MAGI2: variants seen among roughly 807,000 people sequenced by gnomAD.
MAGI2 encodes membrane-associated guanylate kinase, WW and PDZ domain-containing protein 2.
Under a neutral mutation model 133.3 loss-of-function variants are expected in MAGI2, and 35 were observed. The ratio of observed to expected loss-of-function variants is 0.26; its 90% CI spans 0.20 to 0.35. The LOEUF is 0.35. MAGI2 is among the 10% of genes least tolerant of loss of function. The probability of loss-of-function intolerance (pLI) is 1.00; values close to 1 mark genes in which losing one functional copy is unlikely to be tolerated. For synonymous variants in MAGI2, 729 were observed against 710.6 expected, an observed-to-expected ratio of 1.03 and a Z score of -0.41; for missense variants, 1,636 against 1,863.4, an observed-to-expected ratio of 0.88 and a Z score of 2.25.
At chr7:79,260,487 C>T (rs1834002878) in intron 1 of MAGI2, among the ~76,000 whole-genome samples, 1 of 152,108 alleles carries the variant, frequency 6.6e-6, no homozygotes, top group Admixed American at 6.5e-5. Context: ...TAGGAATCTG[C>T]CTATTATCAA....
intron 1 of MAGI2, among the ~76,000 whole-genome samples, chr7:79,442,101 T>C (rs891847433): frequency 2.0e-5 from 3 of 152,188 alleles, no homozygotes; most frequent in African/African-American, 7.2e-5. Flanking sequence ...CATTATGTGG[T>C]CCACCAGCCA....
chr7:78,833,883 G>A (rs1401247867), intron 2 of MAGI2, among the ~76,000 whole-genome samples: 3 of 152,076 alleles, frequency 2.0e-5, no homozygotes, highest in African/African-American at 7.2e-5. Context: ...GAACAATTTT[G>A]TTATCTTTGA....
At chr7:78,372,521 G>T (rs1271146703) in intron 6 of MAGI2, among the ~76,000 whole-genome samples, 2 of 152,052 alleles carry the variant, frequency 1.3e-5, no homozygotes, top group Non-Finnish European at 2.9e-5. Context: ...GGATGATTAA[G>T]GTAACACTGA....
At chr7:78,904,525 CTTT>C (rs10665131) in intron 2 of MAGI2, among the ~76,000 whole-genome samples, 3 of 134,812 alleles carry the variant, frequency 2.2e-5, no homozygotes, top group Non-Finnish European at 1.6e-5. Flanking sequence ...TAACGCAGTT[CTTT>C]TTTTTTTTTT....
chr7:79,263,557 A>G (rs1470477934), intron 1 of MAGI2, among the ~76,000 whole-genome samples: 1 of 152,174 alleles, frequency 6.6e-6, no homozygotes, highest in Non-Finnish European at 1.5e-5. Context: ...CACCAAACGC[A>G]AATTCTCCTT....
At chr7:78,834,154 G>T (rs1173522525) in intron 2 of MAGI2, among the ~76,000 whole-genome samples, 1 of 152,064 alleles carries the variant, frequency 6.6e-6, no homozygotes, top group East Asian at 1.9e-4. Flanking sequence ...GACAATATGG[G>T]CATGGCTTCA....
chr7:78,952,125 A>G (rs1470982078), intron 2 of MAGI2, among the ~76,000 whole-genome samples: 1 of 152,096 alleles, frequency 6.6e-6, no homozygotes, highest in African/African-American at 2.4e-5. Flanking sequence ...TCTTGAAAAT[A>G]TTGTGTGACC....
chr7:78,260,492 C>A (rs563298402), intron 9 of MAGI2, among the ~76,000 whole-genome samples: 8 of 152,220 alleles, frequency 5.3e-5, no homozygotes, highest in African/African-American at 1.7e-4. Context: ...CTTACATTTC[C>A]TCTTTTGCAG....
chr7:78,439,831 T>C (rs1318248196), intron 6 of MAGI2, among the ~76,000 whole-genome samples: 2 of 152,104 alleles, frequency 1.3e-5, no homozygotes, highest in African/African-American at 4.8e-5. Context: ...TTTTCTTTCA[T>C]TGGTTTTGAC....
At position 78,489,844 on chromosome 7, in the gene MAGI2, A is replaced by G. The variant is rs936506319; in HGVS notation, c.966-4T>C. On this transcript the variant is annotated splice_polypyrimidine_tract_variant and splice_region_variant and intron_variant, in intron 5 of 21. Coordinates refer to ENST00000354212, the MANE Select transcript of MAGI2 (RefSeq NM_012301.4). ...TGATGTTGTCTTTGTGTTATGGCTG[A>G]AAAGAAAAGAGATCACTCTGAACAG... 5.6e-6 allele frequency: 9 copies of G among 1,609,934 alleles called. No homozygotes were observed. Among genetic ancestry groups the G allele is most frequent in the East Asian group, 4.5e-5 (2 of 44,832 alleles).
intron 1 of MAGI2, among the ~76,000 whole-genome samples, chr7:79,425,948 A>G (rs1186148705): frequency 6.6e-6 from 1 of 152,210 alleles, no homozygotes; most frequent in Non-Finnish European, 1.5e-5. Context: ...AAGGCACCAC[A>G]TAATTTTTAA....
Position 79,349,695 on chromosome 7 carries a change from C to T in MAGI2, c.301+103325G>A, listed in dbSNP as rs552945649. On this transcript the variant is annotated intron_variant, in intron 1 of 21. Coordinates refer to ENST00000354212, the MANE Select transcript of MAGI2 (RefSeq NM_012301.4). ...TGCTTATAATCTGTGCTCTTAACTG[C>T]CACATCCTACTGACCCTTTTCATGA... is the stretch of plus-strand genomic sequence containing the variant. Among the ~76,000 whole-genome samples the T allele has an allele frequency of 2.2e-3, 334 of 152,106 alleles. 1 individual carries two copies. Among genetic ancestry groups the T allele is most frequent in the African/African-American group, 7.8e-3 (322 of 41,540 alleles).
chr7:79,315,145 G>A (rs900229120), intron 1 of MAGI2, among the ~76,000 whole-genome samples: 1 of 147,366 alleles, frequency 6.8e-6, no homozygotes. Flanking sequence ...CATAACAGTA[G>A]TATAAACTAG....
intron 3 of MAGI2, among the ~76,000 whole-genome samples, chr7:78,542,265 G>A (rs1432555061): frequency 6.6e-6 from 1 of 152,030 alleles, no homozygotes; most frequent in Admixed American, 6.6e-5. Context: ...CCAACCCCCA[G>A]TCTATGTAAT....
At chr7:79,386,184 A>G (rs1844168149) in intron 1 of MAGI2, among the ~76,000 whole-genome samples, 1 of 152,014 alleles carries the variant, frequency 6.6e-6, no homozygotes, top group Non-Finnish European at 1.5e-5. Flanking sequence ...CATTTTTAAT[A>G]TAAAACTTAT....
At chr7:78,056,298 C>T (rs930543485) in intron 21 of MAGI2, among the ~76,000 whole-genome samples, 17 of 152,200 alleles carry the variant, frequency 1.1e-4, no homozygotes, top group African/African-American at 3.9e-4. Flanking sequence ...TACCATTTGA[C>T]CCAGCAATCC....
intron 2 of MAGI2, among the ~76,000 whole-genome samples, chr7:78,682,747 G>C (rs899653385): frequency 6.6e-6 from 1 of 152,220 alleles, no homozygotes; most frequent in Non-Finnish European, 1.5e-5. Context: ...TTTAGAACCA[G>C]AAATACCATT....
intron 1 of MAGI2, among the ~76,000 whole-genome samples, chr7:79,381,380 A>G (rs1843766575): frequency 6.6e-6 from 1 of 151,680 alleles, no homozygotes; most frequent in Admixed American, 6.6e-5. Context: ...TTCATATGCT[A>G]TAGGTTTTGC....
chr7:78,707,921 ATGTAAGTAAAG>A (rs1408654759), intron 2 of MAGI2, among the ~76,000 whole-genome samples: 3 of 152,144 alleles, frequency 2.0e-5, no homozygotes, highest in African/African-American at 7.2e-5. Flanking sequence ...TCAAAGTAAA[ATGTAAGTAAAG>A]GTTAGTCCTT....
Sources: allele counts gnomAD v4.1 joint callset (sites outside exome capture counted in the v4.1 genomes callset), GRCh38; gene constraint gnomAD v4.1.1; transcripts MANE v1.5; gene names NCBI Gene and HGNC (gene_info 2026-07-23, HGNC 2026-07-21).